Variants in DNAI1 observed in about 807,000 individuals in gnomAD.
DNAI1 encodes dynein axonemal intermediate chain 1.
In DNAI1, 67 loss-of-function variants were observed where a neutral mutation model predicts 92.0. That is an observed-to-expected ratio of 0.73 (90% confidence interval 0.60 to 0.89). DNAI1 has a LOEUF of 0.89. Among genes scored for constraint, DNAI1 ranks in the 40% least tolerant of loss-of-function variants. The pLI is 0.00. For missense variants in DNAI1, 839 were observed against 866.6 expected (o/e 0.97, Z 0.40); for synonymous variants, 323 against 319.6 (o/e 1.01, Z -0.11).
chr9:34,512,500 T>TTCCCCTGACTGAGTGC, intron 15 of DNAI1, 76 bp downstream of exon 15: 1 of 1,384,502 alleles, frequency 7.2e-7, no homozygotes, highest in Middle Eastern at 2.1e-4. Context: ...ACAGTGGTCC[T>TTCCCCTGACTGAGTGC]TCCCCTGACT....
At chr9:34,482,091 C>T (rs1253555828) in intron 1 of DNAI1, among the ~76,000 whole-genome samples, 1 of 152,172 alleles carries the variant, frequency 6.6e-6, no homozygotes, top group East Asian at 1.9e-4. Flanking sequence ...ACAGAGTTTC[C>T]ACACACAGGT....
intron 1 of DNAI1, among the ~76,000 whole-genome samples, chr9:34,459,448 TTC>T (rs769228688): frequency 2.0e-5 from 3 of 149,134 alleles, no homozygotes; most frequent in Admixed American, 6.7e-5. Flanking sequence ...CTTTCTTTCT[TTC>T]TTTTTTTTTT....
intron 19 of DNAI1, among the ~76,000 whole-genome samples, chr9:34,519,087 G>A (rs1335860387): frequency 6.6e-6 from 1 of 152,202 alleles, no homozygotes; most frequent in African/African-American, 2.4e-5. Flanking sequence ...AGGGACAGGT[G>A]GGGGCTGGTG....
At chr9:34,508,488 T>A (rs1454950519) in intron 13 of DNAI1, among the ~76,000 whole-genome samples, 2 of 152,136 alleles carry the variant, frequency 1.3e-5, no homozygotes, top group African/African-American at 4.8e-5. Flanking sequence ...TCCAGACACA[T>A]GTAGGTCTCC....
chr9:34,467,582 A>G (rs930798021), intron 1 of DNAI1, among the ~76,000 whole-genome samples: 3 of 152,170 alleles, frequency 2.0e-5, no homozygotes, highest in Non-Finnish European at 4.4e-5. Context: ...CCAGTGAGCT[A>G]TGATTGTTAC....
chr9:34,474,131 C>A (rs553220635), intron 1 of DNAI1, among the ~76,000 whole-genome samples: 2 of 152,286 alleles, frequency 1.3e-5, no homozygotes, highest in African/African-American at 4.8e-5. Flanking sequence ...TACCTAGACT[C>A]CTATTGGCGA....
rs772686744 is a variant in DNAI1, at chr9:34,514,527, G to C, written c.1703G>C (p.Trp568Ser). Residue 568 changes from tryptophan (W) to serine (S), a missense_variant, in exon 17 of 20, where the codon TGG becomes TCG. Trp to Ser is a radical substitution (Grantham distance 177). Coordinates refer to ENST00000242317, the MANE Select transcript of DNAI1 (RefSeq NM_012144.4). ...AGCTCCGACTGGACAGTGAAGATCT[G>C]GGACCACACCATCAAGTGAGGGGCC... ...SCSSDWTVKIWDHTIKTPMFI... is the reference protein window; with the variant it reads ...SCSSDWTVKISDHTIKTPMFI... The C allele has an allele frequency of 3.2e-5, 52 of 1,614,002 alleles. 1 individual carries two copies. The highest frequency in any genetic ancestry group is 4.3e-5 in the Non-Finnish European group (51 of 1,180,014).
At chr9:34,481,691 C>T (rs1824358790) in intron 1 of DNAI1, among the ~76,000 whole-genome samples, 1 of 152,164 alleles carries the variant, frequency 6.6e-6, no homozygotes, top group African/African-American at 2.4e-5. Context: ...AGCTGCAGAC[C>T]TTCACGGTGA....
chr9:34,493,726 C>T (rs772145354), intron 9 of DNAI1, among the ~76,000 whole-genome samples: 1 of 152,150 alleles, frequency 6.6e-6, no homozygotes, highest in Non-Finnish European at 1.5e-5. Flanking sequence ...TGTTTTTTCA[C>T]TTTCAGTACT....
At chr9:34,463,903 C>A (rs1387063281) in intron 1 of DNAI1, among the ~76,000 whole-genome samples, 1 of 151,948 alleles carries the variant, frequency 6.6e-6, no homozygotes, top group Non-Finnish European at 1.5e-5. Flanking sequence ...GGTGATGGGG[C>A]CTGGTATCCA....
At chr9:34,479,476 T>A (rs567667020) in intron 1 of DNAI1, among the ~76,000 whole-genome samples, 1 of 152,310 alleles carries the variant, frequency 6.6e-6, no homozygotes, top group East Asian at 1.9e-4. Flanking sequence ...TTTTATAGTG[T>A]GTTAATTGAA....
rs760215703 is a variant in DNAI1, at chr9:34,517,436, A to G, written c.1970A>G (p.Lys657Arg). ...GACCGTGGGCACATCATCAGCCTCA[A>G]GCTCTCACCCAATTTGCGCAAGATG... ...GDDRGHIISL[K>R]LSPNLRKMPK... The change falls in exon 19 of 20, where the codon AAG (lysine) becomes AGG (arginine). Residue 657 changes from lysine to arginine, a missense_variant. Transcript: ENST00000242317. 3 of 1,614,186 alleles carry G rather than the reference A, an allele frequency of 1.9e-6. No individual in the cohort carries two copies. The highest frequency in any genetic ancestry group is 2.5e-6 in the Non-Finnish European group (3 of 1,180,040).
At chr9:34,480,272 CTTTTTTTTTTT>C (rs202115133) in intron 1 of DNAI1, among the ~76,000 whole-genome samples, 5 of 99,436 alleles carry the variant, frequency 5.0e-5, no homozygotes, top group Admixed American at 1.1e-4. Context: ...TTTGGTGGAA[CTTTTTTTTTTT>C]TTTTTTTTTT....
At chr9:34,488,443 G>A (rs979379829) in intron 4 of DNAI1, 3 of 153,244 alleles carry the variant, frequency 2.0e-5, no homozygotes, top group Non-Finnish European at 2.9e-5. Context: ...TCCAGGGGCA[G>A]GGAGATCTGT....
chr9:34,506,707 A>C lies in DNAI1; in HGVS notation c.1144A>C (p.Ser382Arg), dbSNP rs1453811601. The C allele has an allele frequency of 6.2e-7, 1 of 1,614,212 alleles. No individual in the cohort carries two copies. ...NPSFPEYMFS[S>R]NSGVMCLDIH... ...CAGCTTCCCTGAGTACATGTTCAGC[A>C]GCAACAGCGGCGTCATGTGTCTCGA... Residue 382 changes from serine (S) to arginine (R), a missense_variant, in exon 13 of 20, where the codon AGC (serine) becomes CGC (arginine). Transcript: ENST00000242317.
intron 8 of DNAI1, among the ~76,000 whole-genome samples, chr9:34,492,493 GATATATATAT>G (rs752863173): frequency 0.019 from 1,282 of 68,236 alleles, 62 homozygotes; most frequent in Middle Eastern, 0.036. Flanking sequence ...GGGATATGAA[GATATATATAT>G]ATATATATAT....
intron 16 of DNAI1, 58 bp from the exon 17 acceptor site, chr9:34,514,336 G>A (rs1251257996): frequency 1.3e-6 from 2 of 1,599,912 alleles, no homozygotes; most frequent in Middle Eastern, 1.6e-4. Flanking sequence ...AGACCCCCAG[G>A]GAAGTGGTGG....
intron 18 of DNAI1, among the ~76,000 whole-genome samples, chr9:34,516,886 T>C (rs1405930442): frequency 6.6e-6 from 1 of 151,842 alleles, no homozygotes; most frequent in African/African-American, 2.4e-5. Flanking sequence ...ACTACAGGCA[T>C]GCACCACCAC....
At chr9:34,495,158 T>C (rs1824695159) in intron 9 of DNAI1, among the ~76,000 whole-genome samples, 1 of 152,088 alleles carries the variant, frequency 6.6e-6, no homozygotes, top group African/African-American at 2.4e-5. Flanking sequence ...AATAATTAGG[T>C]AGGAAAGGAG....
Sources: allele counts gnomAD v4.1 joint callset (sites outside exome capture counted in the v4.1 genomes callset), GRCh38; gene constraint gnomAD v4.1.1; transcripts MANE v1.5; gene names NCBI Gene and HGNC (gene_info 2026-07-23, HGNC 2026-07-21).